Variants in DNAAF1 observed in about 807,000 individuals in gnomAD.
DNAAF1 encodes the protein dynein axonemal assembly factor 1.
Under a neutral mutation model 71.1 loss-of-function variants are expected in DNAAF1, and 65 were observed. The ratio of observed to expected loss-of-function variants is 0.91; its 90% CI spans 0.75 to 1.12. The LOEUF (loss-of-function observed/expected upper bound fraction) is 1.12, where lower values mean the gene tolerates loss of function less well. Among genes scored for constraint, DNAAF1 ranks in the 50% most tolerant of loss-of-function variants. The pLI is 0.00. For missense variants in DNAAF1, 1,178 were observed against 899.8 expected, an observed-to-expected ratio of 1.31 and a Z score of -3.96; for synonymous variants, 414 against 354.6, an observed-to-expected ratio of 1.17 and a Z score of -1.88.
intron 9 of DNAAF1, chr16:84,174,373 A>T (rs1268124808): frequency 1.5e-6 from 2 of 1,302,976 alleles, no homozygotes; most frequent in African/African-American, 3.0e-5. Context: ...TTCCCCCAAG[A>T]TGAACTGGCT....
chr16:84,159,452 T>C (rs112935268), intron 5 of DNAAF1, among the ~76,000 whole-genome samples: 5 of 152,282 alleles, frequency 3.3e-5, no homozygotes, highest in African/African-American at 1.2e-4. Context: ...AGATCTGAAG[T>C]TCATGTGGAA....
chr16:84,173,970 TG>T (rs2088520086), intron 9 of DNAAF1: 1 of 155,994 alleles, frequency 6.4e-6, no homozygotes, highest in African/African-American at 2.4e-5. Flanking sequence ...TCTTATTATA[TG>T]GGTGACACCA....
intron 6 of DNAAF1, among the ~76,000 whole-genome samples, chr16:84,163,787 T>C (rs1370589048): frequency 6.6e-6 from 1 of 152,218 alleles, no homozygotes; most frequent in Non-Finnish European, 1.5e-5. Context: ...CATGTACTTA[T>C]TGGCAGTTTT....
chr16:84,161,726 G>A (rs1597445338), intron 6 of DNAAF1, among the ~76,000 whole-genome samples: 1 of 151,522 alleles, frequency 6.6e-6, no homozygotes, highest in Non-Finnish European at 1.5e-5. Context: ...CTGGGCACTT[G>A]CTGTCATCTA....
chr16:84,160,610 T>A (rs2087653213), intron 6 of DNAAF1, among the ~76,000 whole-genome samples: 1 of 152,116 alleles, frequency 6.6e-6, no homozygotes, highest in Non-Finnish European at 1.5e-5. Flanking sequence ...AACTAACAAA[T>A]ATTTCAAATA....
In DNAAF1 at chr16:84,145,367, T is replaced by C. The variant is rs967144027; in HGVS notation, c.-74T>C. On this transcript the variant is annotated 5_prime_UTR_variant, in exon 1 of 12. Coordinates refer to ENST00000378553, the MANE Select transcript of DNAAF1 (RefSeq NM_178452.6). ...GAAAGAGGGTACTCTCTGGCTGGGC[T>C]GGGGCCGTAGCGACGTCCGCCGCGA... 171 of 1,546,860 alleles carry C rather than the reference T, an allele frequency of 1.1e-4. No homozygotes were observed. Among genetic ancestry groups the C allele is most frequent in the Non-Finnish European group, 9.8e-5 (113 of 1,147,370 alleles).
chr16:84,157,026 T>C (rs896207725), intron 5 of DNAAF1, among the ~76,000 whole-genome samples: 1 of 151,908 alleles, frequency 6.6e-6, no homozygotes, highest in Non-Finnish European at 1.5e-5. Context: ...CTAATTTTTA[T>C]ATTTTTTGTA....
intron 6 of DNAAF1, among the ~76,000 whole-genome samples, chr16:84,161,089 C>T (rs1597443532): frequency 6.6e-6 from 1 of 152,174 alleles, no homozygotes; most frequent in African/African-American, 2.4e-5. Context: ...TCTGCAGCCA[C>T]GAGCTACGTT....
chr16:84,160,662 T>C lies in DNAAF1; in HGVS notation c.863+866T>C, dbSNP rs993032033. 9.2e-5 allele frequency among the ~76,000 whole-genome samples: 14 copies of C among 152,116 alleles called. No individual in the cohort carries two copies. The East Asian group carries it at 9.7e-4, about 11-fold the overall frequency. On this transcript the variant is annotated intron_variant, in intron 6 of 11. Coordinates refer to ENST00000378553, the MANE Select transcript of DNAAF1 (RefSeq NM_178452.6). ...CAGGTAAGAAAACCAGGGCCGGGCG[T>C]GGTGGCTCATGTCTGTAATCCCAGC...
chr16:84,159,731 G>T lies in DNAAF1; in HGVS notation c.798G>T (p.Arg266Ser). 2 of 1,613,978 alleles carry T rather than the reference G, an allele frequency of 1.2e-6. No homozygotes were observed. The highest frequency in any genetic ancestry group is 1.1e-5 in the South Asian group (1 of 91,078). ...PVIRQIPNYR[R>S]TVTVRLKHLT... ...TCAGACAGATTCCTAATTACAGAAG[G>T]ACAGTCACTGTACGACTAAAGCACT... is the stretch of plus-strand genomic sequence containing the variant. Residue 266 changes from arginine to serine, a missense_variant, in exon 6 of 12, where the codon AGG becomes AGT. Physicochemically the swap from Arg to Ser is moderately radical, Grantham distance 110. Coordinates refer to ENST00000378553, the MANE Select transcript of DNAAF1 (RefSeq NM_178452.6).
In DNAAF1 at chr16:84,170,324, C is replaced by T. The variant is rs112114400; in HGVS notation, c.1496C>T (p.Pro499Leu). ...GAGGGGACCCTCCCAGCTGAGGCCC[C>T]ACCACCACCGCCCCTGGGAGCTGCC... is the stretch of plus-strand genomic sequence containing the variant. ...EPEGTLPAEA[P>L]PPPPLGAARE... Residue 499 changes from proline to leucine, a missense_variant, in exon 8 of 12, where the codon CCA (proline) becomes CTA (leucine). Transcript: ENST00000378553. The T allele has an allele frequency of 4.6e-4, 736 of 1,611,884 alleles. 4 individuals carry two copies. In the African/African-American group the frequency reaches 8.6e-3, roughly 19 times the overall value.
chr16:84,145,731 T>A (rs369495051), intron 1 of DNAAF1, among the ~76,000 whole-genome samples, 167 bp downstream of exon 1: 1 of 152,158 alleles, frequency 6.6e-6, no homozygotes, highest in Non-Finnish European at 1.5e-5. Flanking sequence ...CATTTCGTAC[T>A]GAGGAGGAAA....
chr16:84,149,918 G>A (rs973395122), intron 2 of DNAAF1, among the ~76,000 whole-genome samples: 2 of 151,854 alleles, frequency 1.3e-5, no homozygotes, highest in South Asian at 2.1e-4. Flanking sequence ...CCAGCTACTC[G>A]GGAGGCTGAG....
chr16:84,158,256 G>C (rs2087537306), intron 5 of DNAAF1, among the ~76,000 whole-genome samples: 1 of 152,130 alleles, frequency 6.6e-6, no homozygotes, highest in South Asian at 2.1e-4. Context: ...CATGATTCTG[G>C]AGACTGAAAG....
chr16:84,177,415 A>G (rs552353605), intron 11 of DNAAF1: 497 of 368,718 alleles, frequency 1.3e-3, no homozygotes, highest in Admixed American at 3.2e-3. Flanking sequence ...AGCTGGGATT[A>G]CAGGCACCCG....
chr16:84,145,480 G>A lies in DNAAF1; in HGVS notation c.40G>A (p.Ala14Thr). 1 of 1,576,252 alleles carries A rather than the reference G, an allele frequency of 6.3e-7. No individual in the cohort carries two copies. Among genetic ancestry groups the A allele is most frequent in the East Asian group, 2.3e-5 (1 of 43,574 alleles). ...EPSEPATGGA[A>T]ELDCAQEPGV... ...CTCGGAGCCTGCGACAGGTGGTGCA[G>A]CAGAGCTGGATTGCGCGCAGGAGCC... is the stretch of plus-strand genomic sequence containing the variant. Residue 14 changes from alanine to threonine, a missense_variant, in exon 1 of 12, where the codon GCA becomes ACA. By Grantham distance (58) the Ala-to-Thr change is moderately conservative. Transcript: ENST00000378553.
intron 6 of DNAAF1, among the ~76,000 whole-genome samples, chr16:84,165,240 A>G (rs1300905193): frequency 2.6e-5 from 4 of 151,980 alleles, no homozygotes; most frequent in African/African-American, 9.7e-5. Flanking sequence ...TCATTTTGAA[A>G]TTGTGTCATC....
At chr16:84,155,810 A>G (rs906023838) in intron 5 of DNAAF1, 61 bp downstream of exon 5, 2 of 1,585,408 alleles carry the variant, frequency 1.3e-6, no homozygotes, top group Non-Finnish European at 1.7e-6. Context: ...TATTATTTTC[A>G]TCAAATATCA....
At position 84,170,131 on chromosome 16, in the gene DNAAF1, G is replaced by T; in HGVS notation, c.1303G>T (p.Asp435Tyr). The change falls in exon 8 of 12, where the codon GAT becomes TAT. Residue 435 changes from aspartate to tyrosine, a missense_variant. Asp to Tyr is a radical substitution (Grantham distance 160, BLOSUM62 -3). Coordinates refer to ENST00000378553, the MANE Select transcript of DNAAF1 (RefSeq NM_178452.6). ...TGTGGAGGTTAAAGGAGAGGACGGA[G>T]ATGGAGAGCCAGAGGGGACCCTCCC... ...SPVEVKGEDG[D>Y]GEPEGTLPAE... 1.3e-6 allele frequency: 2 copies of T among 1,590,246 alleles called. No individual in the cohort carries two copies. Among genetic ancestry groups the T allele is most frequent in the Non-Finnish European group, 1.7e-6 (2 of 1,166,372 alleles).
Sources: allele counts gnomAD v4.1 joint callset (sites outside exome capture counted in the v4.1 genomes callset), GRCh38; gene constraint gnomAD v4.1.1; transcripts MANE v1.5; gene names NCBI Gene and HGNC (gene_info 2026-07-23, HGNC 2026-07-21).